The following SNRPA1 variants were observed in gnomAD, a reference collection of about 807,000 sequenced individuals.
The protein encoded by SNRPA1 is small nuclear ribonucleoprotein polypeptide A', also known as U2 small nuclear ribonucleoprotein A'.
Under a neutral mutation model 32.3 loss-of-function variants are expected in SNRPA1, and 5 were observed. The observed-to-expected ratio is 0.15, with a 90% CI of 0.08 to 0.33. The LOEUF is 0.33. Ranked by LOEUF, SNRPA1 falls within the 10% of genes least tolerant of loss-of-function variation. The pLI is 1.00. For missense variants in SNRPA1, 198 were observed against 311.1 expected, an observed-to-expected ratio of 0.64 and a Z score of 2.74; for synonymous variants, 111 against 120.1, an observed-to-expected ratio of 0.92 and a Z score of 0.50.
intron 6 of SNRPA1, 64 bp from the exon 7 acceptor site, chr15:101,285,865 T>C (rs1182450852): frequency 2.3e-6 from 3 of 1,292,178 alleles, no homozygotes; most frequent in Non-Finnish European, 2.2e-6. Flanking sequence ...TCTTTTACTT[T>C]CAAAAGCTTT....
intron 3 of SNRPA1, among the ~76,000 whole-genome samples, chr15:101,290,734 T>C (rs985618712): frequency 2.0e-5 from 3 of 148,612 alleles, no homozygotes; most frequent in Admixed American, 6.8e-5. Context: ...CGCTACCACT[T>C]TTGGCATTTT....
chr15:101,282,694 C>G (rs1428975171), intron 8 of SNRPA1, among the ~76,000 whole-genome samples: 1 of 152,158 alleles, frequency 6.6e-6, no homozygotes, highest in Non-Finnish European at 1.5e-5. Context: ...TGCAGATCTT[C>G]CAAACGTTGA....
At chr15:101,285,086 G>A (rs1342439924) in intron 7 of SNRPA1, 26 bp from the exon 8 acceptor site, 2 of 1,540,836 alleles carry the variant, frequency 1.3e-6, no homozygotes, top group Non-Finnish European at 1.8e-6. Flanking sequence ...CAATGGAGAT[G>A]GATGATTAAC....
chr15:101,287,997 C>T, intron 3 of SNRPA1: 1 of 367,070 alleles, frequency 2.7e-6, no homozygotes, highest in South Asian at 2.8e-5. Context: ...GAAAAGAAAA[C>T]AATGGCAAAG....
At chr15:101,288,659 G>A (rs1482794879) in intron 3 of SNRPA1, among the ~76,000 whole-genome samples, 1 of 152,180 alleles carries the variant, frequency 6.6e-6, no homozygotes, top group Non-Finnish European at 1.5e-5. Context: ...AGATGGCAAG[G>A]CATTCTGCAG....
chr15:101,287,833 A>T, intron 3 of SNRPA1, 131 bp from the exon 4 acceptor site: 1 of 727,580 alleles, frequency 1.4e-6, no homozygotes, highest in South Asian at 1.5e-5. Flanking sequence ...CAACAAGCCC[A>T]ATACTAGCAC....
intron 1 of SNRPA1, chr15:101,294,769 T>C (rs550310355): frequency 8.2e-4 from 262 of 320,074 alleles, no homozygotes; most frequent in African/African-American, 5.3e-3. Flanking sequence ...CAACCATTAA[T>C]GAGCCGCTCT....
chr15:101,290,788 C>CTGGA (rs2141312728), intron 3 of SNRPA1, among the ~76,000 whole-genome samples: 1 of 146,136 alleles, frequency 6.8e-6, no homozygotes, highest in South Asian at 2.2e-4. Context: ...TTTGCCCAGG[C>CTGGA]TGGAGTGCAG....
At position 101,287,691 on chromosome 15, in the gene SNRPA1, G is replaced by A. The variant is rs1475128386; in HGVS notation, c.321C>T (p.Asp107=). 6.2e-7 allele frequency: 1 copy of A among 1,613,798 alleles called. No individual in the cohort carries two copies. Among genetic ancestry groups the A allele is most frequent in the Non-Finnish European group, 8.5e-7 (1 of 1,179,758 alleles). Residue 107 remains aspartate (D), a synonymous_variant, in exon 4 of 9, where the codon GAC becomes GAT. Transcript: ENST00000254193. ...NNSLVELGDL[D]PLASLKSLTY... is the part of the protein sequence containing the mutation. Reference sequence around the variant, plus strand: ...TCAGCGATTTGAGAGATGCCAGAGGGTCCAGATCACCCTGTCAAGCAATAG... The same window carrying A: ...TCAGCGATTTGAGAGATGCCAGAGGATCCAGATCACCCTGTCAAGCAATAG...
At position 101,292,004 on chromosome 15, in the gene SNRPA1, A is replaced by G. The variant is rs749348655; in HGVS notation, c.267T>C (p.Cys89=). ...IGEGLDQALP[C]LTELILTNNS... ...TATTGGTGAGAATGAGTTCTGTCAG[A>G]CAGGGCAGAGCCTGATCAAGTCCCT... Residue 89 remains cysteine, a synonymous_variant, in exon 3 of 9, where the codon TGT becomes TGC. Coordinates refer to ENST00000254193, the MANE Select transcript of SNRPA1 (RefSeq NM_003090.4). 1.7e-5 allele frequency: 28 copies of G among 1,613,102 alleles called. No individual in the cohort carries two copies. Among genetic ancestry groups the G allele is most frequent in the Non-Finnish European group, 2.2e-5 (26 of 1,179,238 alleles).
At position 101,285,812 on chromosome 15, in the gene SNRPA1, G is replaced by T; in HGVS notation, c.540-11C>A. The T allele has an allele frequency of 6.2e-7, 1 of 1,609,626 alleles. No individual in the cohort carries two copies. The highest frequency in any genetic ancestry group is 1.1e-5 in the South Asian group (1 of 90,950). On this transcript the variant is annotated splice_polypyrimidine_tract_variant and intron_variant, in intron 6 of 8. Transcript: ENST00000254193. ...GCACCTGGATTAAAACTTAAGAGGGGGAAGAACATAACTGTTAGACCTAGA... is the reference window on the plus strand; with the variant it reads ...GCACCTGGATTAAAACTTAAGAGGGTGAAGAACATAACTGTTAGACCTAGA...
rs1596472683 is a variant in SNRPA1, at chr15:101,291,907, C to A, written c.309+55G>T. ...GATTTTGTAAATTTTCTGTAGGAAGCACATAGTACCTTTAACCCCACCCAC... is the reference window on the plus strand; with the variant it reads ...GATTTTGTAAATTTTCTGTAGGAAGAACATAGTACCTTTAACCCCACCCAC... On this transcript the variant is annotated intron_variant, in intron 3 of 8. Transcript: ENST00000254193. The A allele has an allele frequency of 2.8e-6, 3 of 1,077,796 alleles. No individual in the cohort carries two copies. In the African/African-American group the frequency reaches 4.8e-5, roughly 17 times the overall value. 66.8% of individuals were successfully genotyped at this position (1,077,796 alleles called of 1,614,324 possible).
chr15:101,292,829 T>C (rs1218072963), intron 2 of SNRPA1, 196 bp downstream of exon 2: 1 of 378,596 alleles, frequency 2.6e-6, no homozygotes, highest in South Asian at 8.4e-5. Flanking sequence ...AGTTCATTTC[T>C]CATTTTAAGA....
intron 8 of SNRPA1, 61 bp from the exon 9 acceptor site, chr15:101,281,843 G>T: frequency 6.7e-7 from 1 of 1,495,764 alleles, no homozygotes; most frequent in South Asian, 1.1e-5. Flanking sequence ...CCCTTAGCAT[G>T]CAAGTGTTTG....
At chr15:101,283,553 G>A (rs1288662122) in intron 8 of SNRPA1, among the ~76,000 whole-genome samples, 2 of 151,552 alleles carry the variant, frequency 1.3e-5, no homozygotes, top group African/African-American at 4.9e-5. Flanking sequence ...GCGACAGAGC[G>A]AGACTCCGTC....
At chr15:101,286,710 A>G (rs1421962071) in intron 5 of SNRPA1, 198 bp downstream of exon 5, 1 of 529,584 alleles carries the variant, frequency 1.9e-6, no homozygotes, top group South Asian at 2.3e-5. Context: ...CCAGCATTAC[A>G]TAAGAGAGCT....
At chr15:101,284,663 C>T (rs3784522) in intron 8 of SNRPA1, 84,175 of 228,772 alleles carry the variant, frequency 0.37, 16,113 homozygotes, top group Admixed American at 0.44. Context: ...CCACCACCCC[C>T]GGCTAATTTT....
chr15:101,291,209 T>A (rs532249087), intron 3 of SNRPA1, among the ~76,000 whole-genome samples: 1 of 152,350 alleles, frequency 6.6e-6, no homozygotes, highest in Non-Finnish European at 1.5e-5. Context: ...ATCCAGTGTT[T>A]AAGTGAAGAA....
chr15:101,285,055 G>T lies in SNRPA1; in HGVS notation c.621C>A (p.Ala207=). Residue 207 remains alanine, a synonymous_variant, in exon 8 of 9, where the codon GCC becomes GCA. Coordinates refer to ENST00000254193, the MANE Select transcript of SNRPA1 (RefSeq NM_003090.4). ...CAGCCAGAGTTGAAGCATTTGCTAT[G>T]GCATTCTGGAGGACAGAGGGCAATG... ...SPGDVEAIKN[A]IANASTLAEV... 6.2e-7 allele frequency: 1 copy of T among 1,613,220 alleles called. No homozygotes were observed. The highest frequency in any genetic ancestry group is 8.5e-7 in the Non-Finnish European group (1 of 1,179,296).
Sources: gnomAD v4.1 joint callset for allele counts (sites outside exome capture counted in the v4.1 genomes callset) on GRCh38, gnomAD v4.1.1 for gene constraint, MANE v1.5 for transcripts, NCBI Gene and HGNC (gene_info 2026-07-23, HGNC 2026-07-21) for gene names.